The following HAPSTR1 variants were observed in gnomAD, a reference collection of about 807,000 sequenced individuals.
HAPSTR1 encodes the protein HUWE1 associated protein modifying stress responses.
chr16:9,091,795 G>A, the HAPSTR1 span: 3 of 393,908 alleles, frequency 7.6e-6, no homozygotes, highest in Middle Eastern at 6.3e-4. Context: ...GCGGTTATCT[G>A]GTCCGCGGCG....
chr16:9,092,281 C>A, the HAPSTR1 span: 2 of 1,523,022 alleles, frequency 1.3e-6, no homozygotes, highest in South Asian at 2.4e-5. Context: ...GTGAGGCCGC[C>A]GCCGCCATCT....
At chr16:9,113,007 T>G in the HAPSTR1 span, 3 of 50,498 alleles carry the variant, frequency 5.9e-5, no homozygotes, top group African/African-American at 1.5e-4. Flanking sequence ...ACAACTTGGT[T>G]TTTTTTTTTT....
chr16:9,096,613 A>G, the HAPSTR1 span, among the ~76,000 whole-genome samples: 1 of 152,236 alleles, frequency 6.6e-6, no homozygotes, highest in Non-Finnish European at 1.5e-5. Flanking sequence ...ATGGCCAGAA[A>G]TCATATTCTA....
chr16:9,093,848 T>G, the HAPSTR1 span, among the ~76,000 whole-genome samples: 4 of 152,170 alleles, frequency 2.6e-5, no homozygotes, highest in Non-Finnish European at 5.9e-5. Context: ...GTTGATTTTT[T>G]TTTTTGGCAA....
chr16:9,106,023 G>A, the HAPSTR1 span: 1 of 152,202 alleles, frequency 6.6e-6, no homozygotes, highest in Non-Finnish European at 1.5e-5. Flanking sequence ...TGTAGACAGA[G>A]TATGACAATG....
chr16:9,100,156 C>G, the HAPSTR1 span, among the ~76,000 whole-genome samples: 1 of 152,200 alleles, frequency 6.6e-6, no homozygotes, highest in Non-Finnish European at 1.5e-5. Context: ...TTCTAGTGTG[C>G]TCATAGTGGG....
At chr16:9,120,329 TA>T in the HAPSTR1 span, 1 of 152,276 alleles carries the variant, frequency 6.6e-6, no homozygotes, top group Admixed American at 6.5e-5. Flanking sequence ...GGCCAGCTTC[TA>T]GCCTCCCTTT....
the HAPSTR1 span, chr16:9,092,268 A>G: frequency 6.5e-7 from 1 of 1,542,568 alleles, no homozygotes; most frequent in Non-Finnish European, 8.7e-7. Flanking sequence ...CAGCTCTACA[A>G]AGGTGAGGCC....
the HAPSTR1 span, among the ~76,000 whole-genome samples, chr16:9,098,669 A>C: frequency 3.1e-4 from 47 of 152,316 alleles, no homozygotes; most frequent in Admixed American, 1.7e-3. Context: ...CTTCCTCCCA[A>C]AAAAGAATAA....
At chr16:9,096,395 C>T in the HAPSTR1 span, among the ~76,000 whole-genome samples, 1 of 152,170 alleles carries the variant, frequency 6.6e-6, no homozygotes, top group South Asian at 2.1e-4. Context: ...CCTTCTTCAT[C>T]TTCTTTCCCT....
the HAPSTR1 span, among the ~76,000 whole-genome samples, chr16:9,100,913 C>T: frequency 3.3e-5 from 5 of 152,138 alleles, no homozygotes; most frequent in Non-Finnish European, 5.9e-5. Flanking sequence ...TTTTTTTCCT[C>T]TGTTTCTGCA....
At chr16:9,097,990 G>T in the HAPSTR1 span, among the ~76,000 whole-genome samples, 1 of 152,190 alleles carries the variant, frequency 6.6e-6, no homozygotes, top group South Asian at 2.1e-4. Flanking sequence ...TTAGGAAGGG[G>T]AGGACAAGGA....
chr16:9,098,358 C>T, the HAPSTR1 span, among the ~76,000 whole-genome samples: 1 of 152,284 alleles, frequency 6.6e-6, no homozygotes, highest in South Asian at 2.1e-4. Flanking sequence ...TATTATCCCC[C>T]TGGTTCCTGG....
At chr16:9,099,470 C>T in the HAPSTR1 span, among the ~76,000 whole-genome samples, 7 of 152,102 alleles carry the variant, frequency 4.6e-5, no homozygotes, top group East Asian at 1.9e-4. Context: ...TGGGATTACA[C>T]GGATGAGCCA....
At chr16:9,111,125 T>C in the HAPSTR1 span, 1 of 152,224 alleles carries the variant, frequency 6.6e-6, no homozygotes, top group African/African-American at 2.4e-5. Flanking sequence ...AACCAACCTG[T>C]TGGATTATAC....
At chr16:9,113,832 G>A in the HAPSTR1 span, among the ~76,000 whole-genome samples, 1 of 152,148 alleles carries the variant, frequency 6.6e-6, no homozygotes, top group Admixed American at 6.6e-5. Context: ...AGCCAACAAT[G>A]GGGATAATTG....
the HAPSTR1 span, chr16:9,110,551 T>G: frequency 6.6e-6 from 1 of 152,224 alleles, no homozygotes; most frequent in Non-Finnish European, 1.5e-5. Flanking sequence ...ACCACATTTT[T>G]TTGAGAACAA....
chr16:9,092,352 T>G, the HAPSTR1 span: 2 of 1,179,508 alleles, frequency 1.7e-6, no homozygotes, highest in Non-Finnish European at 2.1e-6. Flanking sequence ...CAGCGGCCGC[T>G]TCGGGGGGCC....
At chr16:9,092,159 C>T in the HAPSTR1 span, 40 of 1,565,606 alleles carry the variant, frequency 2.6e-5, no homozygotes, top group Middle Eastern at 1.7e-4. Flanking sequence ...CGAGCAGCTG[C>T]CCCCCGAGCT....
Sources: gnomAD v4.1 joint callset for allele counts (sites outside exome capture counted in the v4.1 genomes callset) on GRCh38, gnomAD v4.1.1 for gene constraint, MANE v1.5 for transcripts, NCBI Gene and HGNC (gene_info 2026-07-23, HGNC 2026-07-21) for gene names.